Variants in INO80C observed in about 807,000 individuals in gnomAD.
The protein encoded by INO80C is INO80 complex subunit C, also known as IES6 homolog.
Under a neutral mutation model 17.7 loss-of-function variants are expected in INO80C, and 17 were observed. The observed-to-expected ratio is 0.96, with a 90% CI of 0.66 to 1.44. The LOEUF (loss-of-function observed/expected upper bound fraction) is 1.44. Among genes scored for constraint, INO80C ranks in the 40% most tolerant of loss-of-function variants. INO80C has a pLI of 0.00. For synonymous variants in INO80C, 96 were observed against 95.8 expected, an observed-to-expected ratio of 1.00 and a Z score of -0.01; for missense variants, 244 against 245.0, an observed-to-expected ratio of 1.00 and a Z score of 0.03.
chr18:35,478,527 C>T (rs111672090), intron 3 of INO80C, among the ~76,000 whole-genome samples, 178 bp from the exon 4 acceptor site: 1 of 152,196 alleles, frequency 6.6e-6, no homozygotes, highest in African/African-American at 2.4e-5. Context: ...AGAAACAAGA[C>T]AGTATGTCAC....
intron 4 of INO80C, among the ~76,000 whole-genome samples, chr18:35,477,949 G>A (rs2045756363): frequency 6.6e-6 from 1 of 152,194 alleles, no homozygotes. Context: ...ACATGGTTTT[G>A]TAAATACAAT....
chr18:35,480,541 C>G lies in INO80C; in HGVS notation c.179G>C (p.Ser60Thr), dbSNP rs1195848520. 6.2e-7 allele frequency: 1 copy of G among 1,613,220 alleles called. No homozygotes were observed. The highest frequency in any genetic ancestry group is 1.7e-5 in the Admixed American group (1 of 60,006). The part of the protein sequence containing the change: ...FAQGISMEAM[S>T]ENKMVPSEFS... Reference sequence around the variant, plus strand: ...CTCAGAGGGCACCATTTTATTCTCACTCATGGCTTCCATGCTGATACCCTT... The same window carrying G: ...CTCAGAGGGCACCATTTTATTCTCAGTCATGGCTTCCATGCTGATACCCTT... The change falls in exon 2 of 5, where the codon AGT becomes ACT. Residue 60 changes from serine (S) to threonine (T), a missense_variant. By Grantham distance (58) the Ser-to-Thr change is moderately conservative (BLOSUM62 1). Transcript: ENST00000334598.
intron 4 of INO80C, among the ~76,000 whole-genome samples, chr18:35,469,747 G>A (rs1390906812): frequency 6.6e-6 from 1 of 152,198 alleles, no homozygotes; most frequent in African/African-American, 2.4e-5. Flanking sequence ...GAGGGTCCAT[G>A]AGACAGGAAC....
intron 1 of INO80C, among the ~76,000 whole-genome samples, chr18:35,483,856 ATCT>A (rs1598744554): frequency 1.3e-5 from 2 of 152,180 alleles, no homozygotes; most frequent in African/African-American, 4.8e-5. Flanking sequence ...AAGAGAGTAA[ATCT>A]TCTCTGAGTA....
intron 3 of INO80C, 128 bp downstream of exon 3, chr18:35,479,172 C>T: frequency 1.6e-6 from 1 of 625,720 alleles, no homozygotes; most frequent in Non-Finnish European, 2.8e-6. Flanking sequence ...AGACTGATGC[C>T]ACTATAAAAT....
chr18:35,470,500 C>T (rs966496488), intron 4 of INO80C, among the ~76,000 whole-genome samples: 3 of 152,190 alleles, frequency 2.0e-5, no homozygotes, highest in Non-Finnish European at 2.9e-5. Context: ...GTTAGGTTAA[C>T]TAGCAGGAGA....
At chr18:35,495,120 G>A (rs2045968664) in intron 1 of INO80C, among the ~76,000 whole-genome samples, 1 of 152,212 alleles carries the variant, frequency 6.6e-6, no homozygotes, top group Non-Finnish European at 1.5e-5. Context: ...AGAATGAAAG[G>A]ATCACAGCAA....
Position 35,468,647 on chromosome 18 carries a change from G to A in INO80C, c.543C>T (p.Tyr181=). ...TGCTCGTGGCCTTCCTCAGGGCCAG[G>A]TAGCCGGTGACGACGTCAGAGGGCA... is the stretch of plus-strand genomic sequence containing the variant. ...RRLPSDVVTG[Y]LALRKATSIV... is the part of the protein sequence containing the mutation. Residue 181 remains tyrosine, a synonymous_variant, in exon 5 of 5, where the codon TAC becomes TAT. Transcript: ENST00000334598. 3 of 1,613,996 alleles carry A rather than the reference G, an allele frequency of 1.9e-6. No individual in the cohort carries two copies. Among genetic ancestry groups the A allele is most frequent in the South Asian group, 1.1e-5 (1 of 91,086 alleles).
At chr18:35,469,475 G>T (rs2045643870) in intron 4 of INO80C, among the ~76,000 whole-genome samples, 1 of 152,076 alleles carries the variant, frequency 6.6e-6, no homozygotes, top group Non-Finnish European at 1.5e-5. Context: ...CGGCCTCTAA[G>T]TTCCTCCCTC....
At chr18:35,489,645 T>A (rs2045914286) in intron 1 of INO80C, among the ~76,000 whole-genome samples, 1 of 152,250 alleles carries the variant, frequency 6.6e-6, no homozygotes, top group African/African-American at 2.4e-5. Context: ...GGAAGTGTTC[T>A]GATTACAGGA....
intron 1 of INO80C, 63 bp from the exon 2 acceptor site, chr18:35,480,626 G>T: frequency 8.3e-7 from 1 of 1,200,512 alleles, no homozygotes; most frequent in Non-Finnish European, 1.2e-6. Flanking sequence ...CCCCACCTCT[G>T]CTCTCAACAG....
At chr18:35,491,067 G>A (rs1277102736) in intron 1 of INO80C, among the ~76,000 whole-genome samples, 6 of 152,174 alleles carry the variant, frequency 3.9e-5, no homozygotes, top group African/African-American at 1.4e-4. Flanking sequence ...GCCAAATACT[G>A]TTATTTCTCC....
At chr18:35,481,565 C>A (rs983039997) in intron 1 of INO80C, among the ~76,000 whole-genome samples, 2 of 152,202 alleles carry the variant, frequency 1.3e-5, no homozygotes, top group African/African-American at 4.8e-5. Context: ...ACTCTAGTGT[C>A]TGGATTCTTT....
chr18:35,472,979 GAGGTTTT>G (rs1446422979), intron 4 of INO80C, among the ~76,000 whole-genome samples: 1 of 152,204 alleles, frequency 6.6e-6, no homozygotes, highest in African/African-American at 2.4e-5. Flanking sequence ...AGTGGGGCAA[GAGGTTTT>G]AGGTAATGTG....
intron 1 of INO80C, among the ~76,000 whole-genome samples, chr18:35,493,257 T>G (rs2144090520): frequency 6.6e-6 from 1 of 152,350 alleles, no homozygotes; most frequent in African/African-American, 2.4e-5. Context: ...ATTACTATTA[T>G]TTATCCTTAT....
In INO80C at chr18:35,479,396, C is replaced by T. The variant is rs1473758019; in HGVS notation, c.283G>A (p.Gly95Ser). The change falls in exon 3 of 5, where the codon GGC (glycine) becomes AGC (serine). Residue 95 changes from glycine (G) to serine (S), a missense_variant. Coordinates refer to ENST00000334598, the MANE Select transcript of INO80C (RefSeq NM_194281.4). ...DPNFVHSGHG[G>S]AVAGKKNRTW... ...CTGTTCTTCTTGCCAGCTACTGCGC[C>T]ACCGTGGCCAGAGTGCTTGAATTGA... 6.2e-7 allele frequency: 1 copy of T among 1,613,590 alleles called. No homozygotes were observed.
rs1169905910 is a variant in INO80C, at chr18:35,468,831, T to A, written c.448-89A>T. On this transcript the variant is annotated intron_variant, in intron 4 of 4. Transcript: ENST00000334598. ...AGTTTAAAAATTTTTTCTATTTCAC[T>A]GAAAGTGATATATATTTTCATTATG... The A allele has an allele frequency of 3.8e-5, 45 of 1,175,000 alleles. No individual in the cohort carries two copies. Among genetic ancestry groups the A allele is most frequent in the Non-Finnish European group, 5.1e-5 (41 of 802,032 alleles). The allele number at this position is 1,175,000 out of a possible 1,614,324, so 72.8% of individuals were successfully genotyped here.
chr18:35,488,585 C>G (rs1391037577), intron 1 of INO80C, among the ~76,000 whole-genome samples: 3 of 152,140 alleles, frequency 2.0e-5, no homozygotes, highest in African/African-American at 7.2e-5. Context: ...TCACCTGAAA[C>G]CTTTTTTTCC....
chr18:35,497,637 A>C, intron 1 of INO80C, 82 bp downstream of exon 1: 1 of 1,514,578 alleles, frequency 6.6e-7, no homozygotes, highest in Non-Finnish European at 8.8e-7. Context: ...GCCCCACATT[A>C]CGCACGCGCC....
Sources: gnomAD v4.1 joint callset for allele counts (sites outside exome capture counted in the v4.1 genomes callset) on GRCh38, gnomAD v4.1.1 for gene constraint, MANE v1.5 for transcripts, NCBI Gene and HGNC (gene_info 2026-07-23, HGNC 2026-07-21) for gene names.